Variants in DSTN observed in about 807,000 individuals in gnomAD.
The protein encoded by DSTN is destrin.
A neutral mutation model predicts 16.8 loss-of-function variants in DSTN; 10 were observed. The observed-to-expected ratio is 0.60, with a 90% CI of 0.37 to 1.01. The LOEUF is 1.01. DSTN is among the 50% of genes least tolerant of loss of function. The pLI is 0.01. For missense variants in DSTN, 141 were observed against 196.7 expected (o/e 0.72, Z 1.69); for synonymous variants, 57 against 58.9 (o/e 0.97, Z 0.14).
intron 3 of DSTN, among the ~76,000 whole-genome samples, chr20:17,606,052 G>C (rs549901427): frequency 2.0e-5 from 3 of 151,962 alleles, no homozygotes; most frequent in African/African-American, 7.2e-5. Context: ...AGGTTGCAGT[G>C]AGCTGAGATC....
chr20:17,571,535 T>C (rs993133084), intron 1 of DSTN, among the ~76,000 whole-genome samples: 3 of 152,244 alleles, frequency 2.0e-5, no homozygotes, highest in African/African-American at 7.2e-5. Context: ...TGAGTCTTTT[T>C]AATATCTAAT....
intron 3 of DSTN, chr20:17,605,219 T>C: frequency 2.2e-6 from 1 of 455,944 alleles, no homozygotes; most frequent in South Asian, 1.5e-5. Flanking sequence ...AATGTTGGTA[T>C]GATGGAAAGA....
intron 1 of DSTN, among the ~76,000 whole-genome samples, chr20:17,574,870 G>GTTTTTTTTTTTTTTTTTTTT (rs533880691): frequency 7.4e-5 from 6 of 81,170 alleles, no homozygotes; most frequent in African/African-American, 1.5e-4. Flanking sequence ...CTTTTCTTTT[G>GTTTTTTTTTTTTTTTTTTTT]TTTTTTTTTT....
intron 3 of DSTN, among the ~76,000 whole-genome samples, chr20:17,605,968 C>T (rs1171819581): frequency 7.9e-5 from 12 of 151,620 alleles, no homozygotes; most frequent in African/African-American, 2.2e-4. Context: ...ATTAGCCGGG[C>T]GTGGTGGCAC....
chr20:17,602,169 G>C (rs1483961339), intron 2 of DSTN, among the ~76,000 whole-genome samples: 1 of 152,198 alleles, frequency 6.6e-6, no homozygotes, highest in African/African-American at 2.4e-5. Context: ...CCAAGTTGCT[G>C]TGAGGAATGC....
At chr20:17,590,516 C>T (rs1357299695) in intron 1 of DSTN, among the ~76,000 whole-genome samples, 1 of 152,160 alleles carries the variant, frequency 6.6e-6, no homozygotes, top group African/African-American at 2.4e-5. Context: ...CTCCAGTGGT[C>T]ACTGGTACAT....
At position 17,608,956 on chromosome 20, in the gene DSTN, G is replaced by A. The variant is rs1448520186; in HGVS notation, c.*1810G>A. ...TGCCGACAGTATTCAGTATAGTAAC[G>A]TGCTGTCCAGGTTTGTGGTCTAGGA... On this transcript the variant is annotated 3_prime_UTR_variant, in exon 4 of 4. Coordinates refer to ENST00000246069, the MANE Select transcript of DSTN (RefSeq NM_006870.4). 2.6e-5 allele frequency: 4 copies of A among 152,076 alleles called. No individual in the cohort carries two copies. The highest frequency in any genetic ancestry group is 6.5e-5 in the Admixed American group (1 of 15,274). The allele number at this position is 152,076 out of a possible 1,614,324, so 9.4% of individuals were successfully genotyped here. A position where few individuals can be genotyped will look rare whatever the true frequency, so the allele number is the denominator to read the frequency against.
chr20:17,596,528 G>A, intron 1 of DSTN: 1 of 641,330 alleles, frequency 1.6e-6, no homozygotes, highest in Non-Finnish European at 1.9e-6. Flanking sequence ...GTCTCATTCA[G>A]CTATATTGGT....
intron 1 of DSTN, among the ~76,000 whole-genome samples, chr20:17,580,899 C>T (rs2035336313): frequency 6.6e-6 from 1 of 152,056 alleles, no homozygotes; most frequent in Admixed American, 6.5e-5. Context: ...AGTAGAAGGG[C>T]CTGTAGAAGA....
chr20:17,584,225 AC>A (rs1165537065), intron 1 of DSTN, among the ~76,000 whole-genome samples: 3 of 152,116 alleles, frequency 2.0e-5, no homozygotes, highest in Admixed American at 6.5e-5. Context: ...CATGTACATC[AC>A]CCTCATGTTA....
chr20:17,570,102 T>A lies in DSTN; in HGVS notation c.-107T>A. ...CCCGGGGTAAGCTCGCGCCGCCGCGTCAGCTCAGCGCTGGGTCTCTCGGTC... is the reference window on the plus strand; with the variant it reads ...CCCGGGGTAAGCTCGCGCCGCCGCGACAGCTCAGCGCTGGGTCTCTCGGTC... On this transcript the variant is annotated 5_prime_UTR_variant, in exon 1 of 4. Transcript: ENST00000246069. 4 of 1,472,538 alleles carry A rather than the reference T, an allele frequency of 2.7e-6. No individual in the cohort carries two copies. The highest frequency in any genetic ancestry group is 3.6e-6 in the Non-Finnish European group (4 of 1,113,668). The allele number at this position is 1,472,538 out of a possible 1,614,324, so 91.2% of individuals were successfully genotyped here.
intron 2 of DSTN, among the ~76,000 whole-genome samples, chr20:17,602,127 A>G (rs1421239047): frequency 6.6e-6 from 1 of 152,162 alleles, no homozygotes; most frequent in Non-Finnish European, 1.5e-5. Flanking sequence ...CCTCACTTGT[A>G]TTTCAGTAAG....
At chr20:17,602,767 C>G (rs2035600257) in intron 2 of DSTN, among the ~76,000 whole-genome samples, 1 of 152,218 alleles carries the variant, frequency 6.6e-6, no homozygotes, top group Non-Finnish European at 1.5e-5. Context: ...TGACTCATGC[C>G]TGTAATCTCA....
rs534201726 is a variant in DSTN at position 17,604,573 on chromosome 20, T to G, written c.330T>G (p.Pro110=). The part of the protein sequence containing the change: ...MFFLWAPELA[P]LKSKMIYASS... ...TATCTAGGGCACCAGAACTAGCACC[T>G]CTGAAAAGTAAAATGATCTATGCAA... The change falls in exon 3 of 4, where the codon CCT becomes CCG. Residue 110 remains proline, a synonymous_variant. Transcript: ENST00000246069. The G allele has an allele frequency of 6.2e-7, 1 of 1,613,130 alleles. No homozygotes were observed. The highest frequency in any genetic ancestry group is 1.1e-5 in the South Asian group (1 of 90,744).
At chr20:17,592,967 G>A (rs760147324) in intron 1 of DSTN, among the ~76,000 whole-genome samples, 18 of 152,100 alleles carry the variant, frequency 1.2e-4, no homozygotes, top group Middle Eastern at 3.2e-3. Flanking sequence ...GTTCTCTTAC[G>A]CATGGCTTCA....
At chr20:17,596,589 G>C in intron 1 of DSTN, 1 of 980,154 alleles carries the variant, frequency 1.0e-6, no homozygotes. Flanking sequence ...CACTGCTGTA[G>C]TTCAGAGCTT....
At chr20:17,595,141 A>G (rs1832805859) in intron 1 of DSTN, among the ~76,000 whole-genome samples, 1 of 152,074 alleles carries the variant, frequency 6.6e-6, no homozygotes, top group Non-Finnish European at 1.5e-5. Flanking sequence ...TTTCCACTGC[A>G]TTGTCCTACC....
chr20:17,592,288 G>A (rs1433374653), intron 1 of DSTN, among the ~76,000 whole-genome samples: 2 of 151,932 alleles, frequency 1.3e-5, no homozygotes, highest in Non-Finnish European at 2.9e-5. Flanking sequence ...TTAGCTGGGT[G>A]TGGTGGCATG....
chr20:17,599,730 A>G (rs1422865097), intron 1 of DSTN: 1 of 152,196 alleles, frequency 6.6e-6, no homozygotes, highest in African/African-American at 2.4e-5. Flanking sequence ...TAGGAAAGGC[A>G]TTTGTTGTAT....
Sources: gnomAD v4.1 joint callset for allele counts (sites outside exome capture counted in the v4.1 genomes callset) on GRCh38, gnomAD v4.1.1 for gene constraint, MANE v1.5 for transcripts, NCBI Gene and HGNC (gene_info 2026-07-23, HGNC 2026-07-21) for gene names.